Variants in SPATS2 observed in about 807,000 individuals in gnomAD.
SPATS2 encodes spermatogenesis associated serine rich 2.
SPATS2 carries 38 observed loss-of-function variants against 63.7 expected under a neutral mutation model. That is an observed-to-expected ratio of 0.60 (90% confidence interval 0.46 to 0.78). SPATS2 has a LOEUF of 0.78. SPATS2 is among the 30% of genes least tolerant of loss of function. The pLI, the probability that SPATS2 is intolerant of heterozygous loss-of-function variation, is 0.00. For missense variants in SPATS2, 588 were observed against 666.2 expected (o/e 0.88, Z 1.29); for synonymous variants, 207 against 232.9 (o/e 0.89, Z 1.01).
At chr12:49,367,956 G>T (rs1387917906) in intron 1 of SPATS2, among the ~76,000 whole-genome samples, 1 of 152,208 alleles carries the variant, frequency 6.6e-6, no homozygotes, top group East Asian at 1.9e-4. Context: ...TAGGAATGCA[G>T]TAGGGATGCG....
chr12:49,515,448 T>G (rs982931297), intron 10 of SPATS2, among the ~76,000 whole-genome samples: 3 of 152,222 alleles, frequency 2.0e-5, no homozygotes, highest in African/African-American at 7.2e-5. Context: ...TGACTCACAG[T>G]TAAATCACTT....
At position 49,522,793 on chromosome 12, in the gene SPATS2, G is replaced by T. The variant is rs1946964457; in HGVS notation, c.1051G>T (p.Val351Leu). The T allele has an allele frequency of 6.2e-7, 1 of 1,613,786 alleles. No individual in the cohort carries two copies. The highest frequency in any genetic ancestry group is 1.3e-5 in the African/African-American group (1 of 74,912). The part of the protein sequence containing the change: ...ERKYDEDLGR[V>L]ARFTCDVETL... ...TAAATATGATGAGGATCTGGGACGA[G>T]TAGCCCGGTTCACCTGTGATGTAGA... is the stretch of plus-strand genomic sequence containing the variant. The change falls in exon 12 of 14, where the codon GTA (valine) becomes TTA (leucine). Residue 351 changes from valine (V) to leucine (L), a missense_variant. Transcript: ENST00000552918.
intron 11 of SPATS2, among the ~76,000 whole-genome samples, chr12:49,519,687 C>G (rs1328049007): frequency 6.6e-6 from 1 of 152,150 alleles, no homozygotes; most frequent in Admixed American, 6.5e-5. Context: ...CCATTACCCT[C>G]AGTTCATACC....
chr12:49,498,632 G>A (rs1946508402), intron 8 of SPATS2, among the ~76,000 whole-genome samples: 2 of 151,906 alleles, frequency 1.3e-5, no homozygotes, highest in Non-Finnish European at 2.9e-5. Flanking sequence ...TTCATCTTTT[G>A]TTAACAGTTT....
chr12:49,389,858 T>C (rs987055928), intron 2 of SPATS2: 26 of 850,702 alleles, frequency 3.1e-5, no homozygotes, highest in Middle Eastern at 4.4e-4. Flanking sequence ...TGCTAATGGC[T>C]AGCAAAAAAG....
At chr12:49,373,033 C>T (rs141694549) in intron 2 of SPATS2, among the ~76,000 whole-genome samples, 13,004 of 148,604 alleles carry the variant, frequency 0.088, 645 homozygotes, top group African/African-American at 0.12. Context: ...AGTGCAATGG[C>T]GTGATCTCAG....
At chr12:49,408,264 T>C (rs1231770502) in intron 2 of SPATS2, among the ~76,000 whole-genome samples, 1 of 151,504 alleles carries the variant, frequency 6.6e-6, no homozygotes, top group Admixed American at 6.6e-5. Context: ...TTTTTTTTTT[T>C]TTTTTGAGAC....
chr12:49,410,290 G>C (rs1944774977), intron 2 of SPATS2, among the ~76,000 whole-genome samples: 2 of 152,010 alleles, frequency 1.3e-5, no homozygotes, highest in Non-Finnish European at 2.9e-5. Context: ...TGGCCATGCT[G>C]GTCTCGAACT....
At chr12:49,408,688 C>T (rs948018293) in intron 2 of SPATS2, among the ~76,000 whole-genome samples, 2 of 149,668 alleles carry the variant, frequency 1.3e-5, no homozygotes, top group Non-Finnish European at 3.0e-5. Flanking sequence ...CCCGAGTAGC[C>T]AAGACTACAG....
intron 2 of SPATS2, among the ~76,000 whole-genome samples, chr12:49,376,081 C>T (rs1298196245): frequency 2.0e-5 from 3 of 147,642 alleles, no homozygotes; most frequent in Non-Finnish European, 4.4e-5. Flanking sequence ...TGAACCACTG[C>T]ACCTGGCCTG....
intron 4 of SPATS2, among the ~76,000 whole-genome samples, chr12:49,487,820 C>T (rs1271086849): frequency 1.3e-5 from 2 of 152,028 alleles, no homozygotes; most frequent in Admixed American, 1.3e-4. Flanking sequence ...ATCTCAAACT[C>T]CTGAGATCAA....
intron 3 of SPATS2, among the ~76,000 whole-genome samples, chr12:49,470,842 AAC>A (rs1946022766): frequency 6.6e-6 from 1 of 152,224 alleles, no homozygotes; most frequent in Non-Finnish European, 1.5e-5. Context: ...CAAAACTTTA[AAC>A]TTATATTCAG....
chr12:49,476,483 C>T (rs373529587), intron 3 of SPATS2, among the ~76,000 whole-genome samples: 194 of 152,206 alleles, frequency 1.3e-3, no homozygotes, highest in African/African-American at 4.3e-3. Context: ...ATCCCTCTGT[C>T]CCTGTGATAA....
At chr12:49,389,410 G>C in intron 2 of SPATS2, 1 of 587,864 alleles carries the variant, frequency 1.7e-6, no homozygotes, top group Non-Finnish European at 3.1e-6. Context: ...TTAGGGGCGC[G>C]GAGTCTCTTC....
At position 49,371,214 on chromosome 12, in the gene SPATS2, CT is replaced by C. The variant is rs1009781397; in HGVS notation, c.-306-11del. The C allele has an allele frequency of 1.1e-4, 17 of 152,160 alleles. No homozygotes were observed. Among genetic ancestry groups the C allele is most frequent in the Admixed American group, 3.3e-4 (5 of 15,272 alleles). 9.4% of individuals were successfully genotyped at this position (152,160 alleles called of 1,614,324 possible). A position where few individuals can be genotyped will look rare whatever the true frequency, so the allele number is the denominator to read the frequency against. On this transcript the variant is annotated splice_polypyrimidine_tract_variant and intron_variant, in intron 1 of 13. Coordinates refer to ENST00000552918, the MANE Select transcript of SPATS2 (RefSeq NM_023071.4). ...TATTAAACAATAATTCCTTGTTTCT[CT>C]TTCTCTACCCAGCTGCTGGCTACCA...
chr12:49,514,515 T>C, intron 9 of SPATS2, 40 bp from the exon 10 acceptor site: 5 of 1,594,718 alleles, frequency 3.1e-6, no homozygotes, highest in Non-Finnish European at 4.3e-6. Context: ...GTATTTGAGT[T>C]TCTGATCAAA....
At chr12:49,456,641 A>T (rs140522199) in intron 2 of SPATS2, among the ~76,000 whole-genome samples, 299 of 152,330 alleles carry the variant, frequency 2.0e-3, no homozygotes, top group Middle Eastern at 3.4e-3. Flanking sequence ...CTCGTGATTT[A>T]GACAAGGGTA....
At chr12:49,471,173 G>A (rs1383889100) in intron 3 of SPATS2, among the ~76,000 whole-genome samples, 1 of 152,132 alleles carries the variant, frequency 6.6e-6, no homozygotes, top group Non-Finnish European at 1.5e-5. Context: ...GATTAACTGA[G>A]ATGATTCATG....
At chr12:49,507,954 G>C (rs1407609071) in intron 9 of SPATS2, among the ~76,000 whole-genome samples, 3 of 152,140 alleles carry the variant, frequency 2.0e-5, no homozygotes, top group Non-Finnish European at 4.4e-5. Flanking sequence ...AGCTTTTATT[G>C]TATGTCAGAA....
Sources: allele counts gnomAD v4.1 joint callset (sites outside exome capture counted in the v4.1 genomes callset), GRCh38; gene constraint gnomAD v4.1.1; transcripts MANE v1.5; gene names NCBI Gene and HGNC (gene_info 2026-07-23, HGNC 2026-07-21).